OTC: variants seen among roughly 807,000 people sequenced by gnomAD.
The protein encoded by OTC is ornithine transcarbamylase, mitochondrial.
A neutral mutation model predicts 30.3 loss-of-function variants in OTC; 3 were observed. The ratio of observed to expected loss-of-function variants is 0.10; its 90% CI spans 0.05 to 0.26. The LOEUF (loss-of-function observed/expected upper bound fraction) is 0.26, where lower values mean the gene tolerates loss of function less well. Ranked by LOEUF, OTC falls within the 10% of genes least tolerant of loss-of-function variation. The probability of loss-of-function intolerance (pLI) is 1.00; values close to 1 mark genes in which losing one functional copy is unlikely to be tolerated. For missense variants in OTC, 194 were observed against 260.3 expected (o/e 0.75, Z 1.75); for synonymous variants, 111 against 99.7 (o/e 1.11, Z -0.67).
upstream of OTC, among the ~76,000 whole-genome samples, chrX:38,348,622 C>T (rs985860636): frequency 1.3e-4 from 14 of 104,370 alleles, no homozygotes; most frequent in African/African-American, 4.2e-4. Flanking sequence ...CTGCAAGCTC[C>T]GCCTCCTGGG....
the OTC span, among the ~76,000 whole-genome samples, chrX:38,346,179 G>T: frequency 9.0e-6 from 1 of 111,580 alleles, no homozygotes; most frequent in Non-Finnish European, 1.9e-5. Flanking sequence ...AAAGATAAAT[G>T]GACGGCAAAT....
intron 3 of OTC, among the ~76,000 whole-genome samples, chrX:38,380,081 A>C (rs907763197): frequency 3.5e-4 from 39 of 111,977 alleles, no homozygotes; most frequent in Non-Finnish European, 5.8e-4. Context: ...TTGTATCCCC[A>C]AAAAATAAGG....
the OTC span, among the ~76,000 whole-genome samples, chrX:38,337,111 C>T: frequency 3.6e-5 from 4 of 111,392 alleles, no homozygotes; most frequent in African/African-American, 6.5e-5. Flanking sequence ...AGTTCAAATG[C>T]TGGGCCGTCA....
downstream of OTC, among the ~76,000 whole-genome samples, chrX:38,422,529 C>A (rs181875319): frequency 5.6e-3 from 633 of 112,124 alleles, 9 homozygotes; most frequent in African/African-American, 0.02. Flanking sequence ...GAGCTCCCAT[C>A]TCATTCCTGG....
At chrX:38,384,227 C>T (rs941470386) in intron 4 of OTC, among the ~76,000 whole-genome samples, 4 of 111,554 alleles carry the variant, frequency 3.6e-5, no homozygotes, top group Non-Finnish European at 5.6e-5. Context: ...GCCATGAGAA[C>T]AGGTGCAATT....
chrX:38,331,978 G>A, the OTC span, among the ~76,000 whole-genome samples: 1 of 110,947 alleles, frequency 9.0e-6, no homozygotes, highest in Non-Finnish European at 1.9e-5. Context: ...TAGGAACAGG[G>A]CTGCAGAGCA....
chrX:38,411,494 C>T (rs938083591), intron 8 of OTC, among the ~76,000 whole-genome samples: 5 of 109,811 alleles, frequency 4.6e-5, no homozygotes, highest in South Asian at 3.9e-4. Context: ...GGTGAAATCC[C>T]GTCTCTACTA....
chrX:38,380,988 C>T (rs2147330361), intron 3 of OTC, among the ~76,000 whole-genome samples: 1 of 112,359 alleles, frequency 8.9e-6, no homozygotes, highest in East Asian at 2.8e-4. Context: ...CTCAGCCTCC[C>T]AAAGTGCTGG....
At chrX:38,346,876 T>C in the OTC span, among the ~76,000 whole-genome samples, 1 of 111,145 alleles carries the variant, frequency 9.0e-6, no homozygotes, top group Non-Finnish European at 1.9e-5. Context: ...TGGTGGTGGT[T>C]ATACAAATCT....
At chrX:38,352,861 A>G in intron 1 of OTC, 88 bp downstream of exon 1, 1 of 651,484 alleles carries the variant, frequency 1.5e-6, no homozygotes. Flanking sequence ...TTTCTGCAGA[A>G]TGTAGTGCCA....
At chrX:38,370,393 A>G (rs886261510) in intron 3 of OTC, among the ~76,000 whole-genome samples, 3 of 111,611 alleles carry the variant, frequency 2.7e-5, no homozygotes, top group Non-Finnish European at 3.8e-5. Context: ...GGGTATGGGG[A>G]TCTGGTCCTT....
At chrX:38,359,224 T>C (rs2068257810) in intron 1 of OTC, among the ~76,000 whole-genome samples, 1 of 111,270 alleles carries the variant, frequency 9.0e-6, no homozygotes, top group South Asian at 3.8e-4. Context: ...CCAAGATTAG[T>C]CCACTCTTGT....
intron 5 of OTC, 57 bp downstream of exon 5, chrX:38,401,485 T>G (rs1021281182): frequency 3.1e-6 from 3 of 956,834 alleles, no homozygotes; most frequent in Non-Finnish European, 4.5e-6. Context: ...CTGACTTGCT[T>G]TAAGTGAAAC....
intron 1 of OTC, among the ~76,000 whole-genome samples, chrX:38,354,064 C>T (rs1295453013): frequency 8.9e-6 from 1 of 111,957 alleles, no homozygotes; most frequent in Non-Finnish European, 1.9e-5. Context: ...AATGTTGTTT[C>T]ACCTATAAAA....
the OTC span, among the ~76,000 whole-genome samples, chrX:38,334,497 G>A: frequency 1.8e-5 from 2 of 111,710 alleles, no homozygotes; most frequent in African/African-American, 6.5e-5. Context: ...TCTAGCACTA[G>A]AGGCGATCAG....
chrX:38,413,431 G>A (rs896877412), intron 9 of OTC, among the ~76,000 whole-genome samples: 2 of 111,321 alleles, frequency 1.8e-5, no homozygotes, highest in African/African-American at 6.5e-5. Flanking sequence ...TTCAATAGAA[G>A]TTTGTATATT....
chrX:38,347,604 C>A (rs144402671), upstream of OTC, among the ~76,000 whole-genome samples: 540 of 112,358 alleles, frequency 4.8e-3, 5 homozygotes, highest in African/African-American at 0.016. Context: ...CAAATCAGAG[C>A]TTCGCACTGC....
intron 4 of OTC, among the ~76,000 whole-genome samples, chrX:38,391,698 A>G (rs1263182522): frequency 9.0e-6 from 1 of 111,248 alleles, no homozygotes; most frequent in East Asian, 2.8e-4. Context: ...ATTTTGACCT[A>G]ACTCCATCAG....
At chrX:38,332,503 T>TGA in the OTC span, among the ~76,000 whole-genome samples, 4 of 63,375 alleles carry the variant, frequency 6.3e-5, no homozygotes, top group Non-Finnish European at 1.1e-4. Context: ...AGCCCTAGAT[T>TGA]TTATATATAT....
Sources: gnomAD v4.1 joint callset for allele counts (sites outside exome capture counted in the v4.1 genomes callset) on GRCh38, gnomAD v4.1.1 for gene constraint, MANE v1.5 for transcripts, NCBI Gene and HGNC (gene_info 2026-07-23, HGNC 2026-07-21) for gene names.